AMPH: variants seen among roughly 807,000 people sequenced by gnomAD.
AMPH encodes the protein amphiphysin (Stiff-Mann syndrome with breast cancer 128kD autoantigen).
A neutral mutation model predicts 99.1 loss-of-function variants in AMPH; 49 were observed. The ratio of observed to expected loss-of-function variants is 0.49; its 90% confidence interval spans 0.39 to 0.63. The LOEUF is 0.63. Ranked by LOEUF, AMPH falls within the 20% of genes least tolerant of loss-of-function variation. The pLI is 0.00. For synonymous variants in AMPH, 314 were observed against 317.3 expected, an observed-to-expected ratio of 0.99 and a Z score of 0.11; for missense variants, 759 against 863.4, an observed-to-expected ratio of 0.88 and a Z score of 1.52.
chr7:38,462,876 A>G, intron 10 of AMPH, 99 bp downstream of exon 10: 1 of 1,325,614 alleles, frequency 7.5e-7, no homozygotes, highest in Non-Finnish European at 1.0e-6. Context: ...CCTAACTGGA[A>G]ACTTCTCTTA....
At chr7:38,562,500 C>T (rs1196119147) in intron 1 of AMPH, among the ~76,000 whole-genome samples, 1 of 152,114 alleles carries the variant, frequency 6.6e-6, no homozygotes, top group Non-Finnish European at 1.5e-5. Flanking sequence ...GGAAGAAAGA[C>T]TTAAAGGCCT....
chr7:38,439,122 T>A (rs1227284774), intron 11 of AMPH, among the ~76,000 whole-genome samples: 1 of 152,208 alleles, frequency 6.6e-6, no homozygotes, highest in Admixed American at 6.5e-5. Flanking sequence ...CCTGCCACCA[T>A]TTAAGATGTG....
At chr7:38,406,954 A>G (rs1785027518) in intron 17 of AMPH, among the ~76,000 whole-genome samples, 1 of 144,886 alleles carries the variant, frequency 6.9e-6, no homozygotes, top group Admixed American at 6.9e-5. Flanking sequence ...CTCTGTCCCC[A>G]GCTTGCAGAT....
intron 5 of AMPH, among the ~76,000 whole-genome samples, chr7:38,480,066 A>G (rs1205213001): frequency 6.6e-6 from 1 of 151,998 alleles, no homozygotes; most frequent in East Asian, 1.9e-4. Context: ...AAGAAAAAAA[A>G]AACACAATAA....
intron 11 of AMPH, among the ~76,000 whole-genome samples, chr7:38,437,639 A>AAAAAAAAAGAAAAT: frequency 1.0e-5 from 1 of 96,728 alleles, no homozygotes; most frequent in East Asian, 4.3e-4. Flanking sequence ...AAAAAAAAAA[A>AAAAAAAAAGAAAAT]AAAAGAAAAG....
chr7:38,498,262 G>A (rs1387706047), intron 3 of AMPH, among the ~76,000 whole-genome samples: 3 of 152,064 alleles, frequency 2.0e-5, no homozygotes, highest in African/African-American at 7.2e-5. Context: ...CCCTGGATTA[G>A]ATACTCATCA....
rs537958931 is a variant in AMPH, at chr7:38,471,445, T to G, written c.590+3886A>C. 2.0e-5 allele frequency among the ~76,000 whole-genome samples: 3 copies of G among 152,328 alleles called. No individual in the cohort carries two copies. The East Asian group carries it at 5.8e-4, about 29-fold the overall frequency. ...GTATTTCCTTTTTTAAAATTGAACCTGCATCCCCCTCTAAGCAGTAGTTCC... is the reference window on the plus strand; with the variant it reads ...GTATTTCCTTTTTTAAAATTGAACCGGCATCCCCCTCTAAGCAGTAGTTCC... On this transcript the variant is annotated intron_variant, in intron 7 of 20. Coordinates refer to ENST00000356264, the MANE Select transcript of AMPH (RefSeq NM_001635.4).
intron 1 of AMPH, among the ~76,000 whole-genome samples, chr7:38,540,511 T>C (rs1240431415): frequency 1.3e-5 from 2 of 151,782 alleles, no homozygotes; most frequent in Non-Finnish European, 2.9e-5. Flanking sequence ...TTCATCTTAA[T>C]TGCCTTCTCT....
intron 1 of AMPH, among the ~76,000 whole-genome samples, chr7:38,547,543 G>GTTTA (rs1372114720): frequency 1.3e-5 from 2 of 152,174 alleles, no homozygotes; most frequent in Non-Finnish European, 2.9e-5. Flanking sequence ...ATTAAAAAGT[G>GTTTA]TTTAGTAGGA....
intron 11 of AMPH, among the ~76,000 whole-genome samples, chr7:38,458,941 G>T (rs748135791): frequency 1.3e-5 from 2 of 152,064 alleles, no homozygotes; most frequent in Non-Finnish European, 2.9e-5. Flanking sequence ...CCTCTTTGCT[G>T]ATAGTATGAC....
intron 16 of AMPH, among the ~76,000 whole-genome samples, chr7:38,420,462 C>T (rs1249782770): frequency 6.6e-6 from 1 of 152,152 alleles, no homozygotes; most frequent in Non-Finnish European, 1.5e-5. Context: ...AGAATGATTT[C>T]CTATTGTTTG....
intron 11 of AMPH, among the ~76,000 whole-genome samples, chr7:38,442,939 C>T (rs536739351): frequency 5.2e-4 from 79 of 151,774 alleles, no homozygotes; most frequent in African/African-American, 1.6e-3. Context: ...TTATTTGAGA[C>T]GATCAATAAA....
chr7:38,448,319 C>G (rs1410450307), intron 11 of AMPH, among the ~76,000 whole-genome samples: 2 of 152,158 alleles, frequency 1.3e-5, no homozygotes, highest in African/African-American at 2.4e-5. Context: ...ATTTGTTCCA[C>G]AAAGTTTATT....
chr7:38,393,743 A>G (rs1235346466), intron 18 of AMPH, among the ~76,000 whole-genome samples: 1 of 151,672 alleles, frequency 6.6e-6, no homozygotes, highest in Non-Finnish European at 1.5e-5. Context: ...TCTCCACGTC[A>G]CCCCAGTTTC....
At chr7:38,464,074 A>G (rs1390058590) in intron 9 of AMPH, 3 of 1,289,690 alleles carry the variant, frequency 2.3e-6, no homozygotes, top group East Asian at 5.5e-5. Context: ...TAGAGATGCC[A>G]CTGAGCTCAC....
At chr7:38,498,467 T>C (rs1789011711) in intron 3 of AMPH, among the ~76,000 whole-genome samples, 1 of 152,226 alleles carries the variant, frequency 6.6e-6, no homozygotes, top group Non-Finnish European at 1.5e-5. Context: ...ATTCATGTGA[T>C]TTTAGGCAAA....
intron 2 of AMPH, among the ~76,000 whole-genome samples, chr7:38,531,795 T>C (rs972574620): frequency 2.6e-5 from 4 of 152,192 alleles, no homozygotes; most frequent in Non-Finnish European, 4.4e-5. Flanking sequence ...ATCAATAGTA[T>C]CTTTTGGGAT....
chr7:38,517,328 C>A (rs1789786996), intron 2 of AMPH, among the ~76,000 whole-genome samples: 2 of 152,188 alleles, frequency 1.3e-5, no homozygotes, highest in South Asian at 4.1e-4. Context: ...CCTTGCCATT[C>A]TTGCCATTCT....
At chr7:38,490,139 T>C (rs557863996) in intron 5 of AMPH, among the ~76,000 whole-genome samples, 15 of 152,236 alleles carry the variant, frequency 9.9e-5, no homozygotes, top group African/African-American at 3.6e-4. Context: ...TGTTCCCTGG[T>C]GCACATGGTC....
Sources: allele counts gnomAD v4.1 joint callset (sites outside exome capture counted in the v4.1 genomes callset), GRCh38; gene constraint gnomAD v4.1.1; transcripts MANE v1.5; gene names NCBI Gene and HGNC (gene_info 2026-07-23, HGNC 2026-07-21).